The following TMEM163 variants were observed in gnomAD, a reference collection of about 807,000 sequenced individuals.
The protein encoded by TMEM163 is transmembrane protein 163.
In TMEM163, 17 loss-of-function variants were observed where a neutral mutation model predicts 29.3. That is an observed-to-expected ratio of 0.58 (90% CI 0.40 to 0.87). The LOEUF (loss-of-function observed/expected upper bound fraction) is 0.87, where lower values mean the gene tolerates loss of function less well. TMEM163 is among the 40% of genes least tolerant of loss of function. The probability of loss-of-function intolerance (pLI) is 0.00; values close to 1 mark genes in which losing one functional copy is unlikely to be tolerated. For synonymous variants in TMEM163, 157 were observed against 160.6 expected (o/e 0.98, Z 0.17); for missense variants, 303 against 381.5 (o/e 0.79, Z 1.71).
chr2:134,538,688 G>A (rs1264833340), intron 4 of TMEM163, among the ~76,000 whole-genome samples: 2 of 152,224 alleles, frequency 1.3e-5, no homozygotes, highest in Admixed American at 6.5e-5. Context: ...ACACTATGCT[G>A]AGTGACTAAG....
intron 2 of TMEM163, among the ~76,000 whole-genome samples, chr2:134,624,700 G>A (rs1328626598): frequency 1.3e-5 from 2 of 152,144 alleles, no homozygotes; most frequent in African/African-American, 4.8e-5. Context: ...CTTGAGGCCA[G>A]GAGTTCAAGA....
chr2:134,704,410 GCCCA>G, intron 2 of TMEM163, among the ~76,000 whole-genome samples: 1 of 152,234 alleles, frequency 6.6e-6, no homozygotes, highest in Non-Finnish European at 1.5e-5. Flanking sequence ...CCCTGCGGCA[GCCCA>G]CACCAAAGAC....
intron 5 of TMEM163, among the ~76,000 whole-genome samples, chr2:134,481,770 C>T (rs1679190187): frequency 6.6e-6 from 1 of 152,164 alleles, no homozygotes; most frequent in Non-Finnish European, 1.5e-5. Context: ...ATGACATCTA[C>T]ACATTCAGGT....
chr2:134,680,106 G>C (rs972489093), intron 2 of TMEM163, among the ~76,000 whole-genome samples: 3 of 152,334 alleles, frequency 2.0e-5, no homozygotes, highest in Admixed American at 2.0e-4. Context: ...GGCTGCTAAG[G>C]CAAGACCCTG....
At chr2:134,705,452 T>C (rs1684789154) in intron 2 of TMEM163, among the ~76,000 whole-genome samples, 1 of 151,980 alleles carries the variant, frequency 6.6e-6, no homozygotes. Flanking sequence ...GAGAGAGGCC[T>C]CAGAAGAAAA....
chr2:134,638,394 A>G (rs1194202575), intron 2 of TMEM163, among the ~76,000 whole-genome samples: 1 of 152,194 alleles, frequency 6.6e-6, no homozygotes. Context: ...CGTCAATCAA[A>G]GGGCATGCAT....
chr2:134,522,460 G>A (rs1680208964), intron 4 of TMEM163, among the ~76,000 whole-genome samples: 1 of 152,242 alleles, frequency 6.6e-6, no homozygotes, highest in African/African-American at 2.4e-5. Flanking sequence ...AGCCATCTTG[G>A]CACTGACAGC....
At chr2:134,470,343 T>A (rs1430055707) in intron 5 of TMEM163, among the ~76,000 whole-genome samples, 1 of 138,140 alleles carries the variant, frequency 7.2e-6, no homozygotes, top group Non-Finnish European at 1.5e-5. Context: ...GGTGACAGAG[T>A]GAGACTCCGT....
chr2:134,550,472 G>A, intron 4 of TMEM163, 98 bp downstream of exon 4: 1 of 1,169,104 alleles, frequency 8.6e-7, no homozygotes, highest in Non-Finnish European at 1.3e-6. Flanking sequence ...TCTCATCACT[G>A]GGACAAAAGC....
intron 2 of TMEM163, among the ~76,000 whole-genome samples, chr2:134,586,568 T>C (rs558860402): frequency 6.6e-6 from 1 of 152,360 alleles, no homozygotes; most frequent in East Asian, 1.9e-4. Flanking sequence ...AACTCATTAA[T>C]TACATCTGCA....
chr2:134,657,919 G>T (rs984428424), intron 2 of TMEM163, among the ~76,000 whole-genome samples: 1 of 152,080 alleles, frequency 6.6e-6, no homozygotes, highest in East Asian at 1.9e-4. Context: ...TCATTACCTG[G>T]GTGATGGGAT....
Position 134,652,121 on chromosome 2 carries a change from T to C in TMEM163, c.322+61079A>G, listed in dbSNP as rs1218272823. Reference sequence around the variant, plus strand: ...CTTTATGGGAATGGCATTGAATCTGTAAATTACCTTGGGCAGTATGGCCAT... The same window carrying C: ...CTTTATGGGAATGGCATTGAATCTGCAAATTACCTTGGGCAGTATGGCCAT... On this transcript the variant is annotated intron_variant, in intron 2 of 7. Coordinates refer to ENST00000281924, the MANE Select transcript of TMEM163 (RefSeq NM_030923.5). Among the ~76,000 whole-genome samples the C allele has an allele frequency of 1.4e-5, 2 of 138,278 alleles. 1 individual carries two copies. The highest frequency in any genetic ancestry group is 3.0e-5 in the Non-Finnish European group (2 of 66,044). The allele number at this position is 138,278 out of a possible 152,430, so 90.7% of individuals were successfully genotyped here. A position where few individuals can be genotyped will look rare whatever the true frequency, so the allele number is the denominator to read the frequency against.
At chr2:134,595,850 A>G (rs1383749019) in intron 2 of TMEM163, among the ~76,000 whole-genome samples, 2 of 152,104 alleles carry the variant, frequency 1.3e-5, no homozygotes, top group African/African-American at 4.8e-5. Context: ...TTTGATTTGC[A>G]TTTCTCTGAT....
chr2:134,602,299 TA>T (rs1444666875), intron 2 of TMEM163, among the ~76,000 whole-genome samples: 1 of 152,168 alleles, frequency 6.6e-6, no homozygotes, highest in Non-Finnish European at 1.5e-5. Context: ...TCGTTCTGGT[TA>T]ATTACACTGC....
At chr2:134,515,857 T>A (rs1193973027) in intron 4 of TMEM163, among the ~76,000 whole-genome samples, 1 of 152,226 alleles carries the variant, frequency 6.6e-6, no homozygotes, top group Non-Finnish European at 1.5e-5. Context: ...TGTACTTTTG[T>A]AACAAAAACA....
intron 4 of TMEM163, among the ~76,000 whole-genome samples, chr2:134,537,931 A>G (rs7592626): frequency 0.022 from 3,304 of 152,334 alleles, 105 homozygotes; most frequent in African/African-American, 0.073. Flanking sequence ...CACACCCACT[A>G]GAATGGCTGG....
At chr2:134,657,409 A>G (rs1683645568) in intron 2 of TMEM163, among the ~76,000 whole-genome samples, 1 of 152,240 alleles carries the variant, frequency 6.6e-6, no homozygotes, top group South Asian at 2.1e-4. Context: ...AAAGCTAGAG[A>G]CCATTATTCT....
At chr2:134,660,056 C>G (rs1027576451) in intron 2 of TMEM163, among the ~76,000 whole-genome samples, 1 of 152,094 alleles carries the variant, frequency 6.6e-6, no homozygotes, top group African/African-American at 2.4e-5. Flanking sequence ...CAGCCTTGCC[C>G]AGATCTGGAC....
At position 134,466,222 on chromosome 2, in the gene TMEM163, C is replaced by T. The variant is rs762211682; in HGVS notation, c.559G>A (p.Asp187Asn). The change falls in exon 6 of 8, where the codon GAT (aspartate) becomes AAT (asparagine). Residue 187 changes from aspartate (D) to asparagine (N), a missense_variant. Asp to Asn is a conservative substitution (Grantham distance 23). Coordinates refer to ENST00000281924, the MANE Select transcript of TMEM163 (RefSeq NM_030923.5). ...LSTRLLPEVD[D>N]FLFSVSILSG... ...AAAATGGAGACACTGAACAGGAAAT[C>T]GTCCTGCAAGAGAAAGTTCCAGATT... The T allele has an allele frequency of 8.7e-6, 14 of 1,612,724 alleles. No homozygotes were observed. Among genetic ancestry groups the T allele is most frequent in the Middle Eastern group, 3.3e-4 (2 of 6,062 alleles).
Sources: gnomAD v4.1 joint callset for allele counts (sites outside exome capture counted in the v4.1 genomes callset) on GRCh38, gnomAD v4.1.1 for gene constraint, MANE v1.5 for transcripts, NCBI Gene and HGNC (gene_info 2026-07-23, HGNC 2026-07-21) for gene names.